The following AAMDC variants were observed in gnomAD, a reference collection of about 807,000 sequenced individuals.
The protein encoded by AAMDC is mth938 domain-containing protein.
AAMDC carries 16 observed loss-of-function variants against 15.5 expected under a neutral mutation model. The ratio of observed to expected loss-of-function variants is 1.03; its 90% CI spans 0.70 to 1.57. The LOEUF (loss-of-function observed/expected upper bound fraction) is 1.57. AAMDC is among the 40% of genes most tolerant of loss of function. AAMDC has a pLI of 0.00. For synonymous variants in AAMDC, 51 were observed against 51.6 expected, an observed-to-expected ratio of 0.99 and a Z score of 0.05; for missense variants, 141 against 144.9, an observed-to-expected ratio of 0.97 and a Z score of 0.14.
chr11:77,856,418 G>T (rs1950624486), intron 2 of AAMDC, among the ~76,000 whole-genome samples: 1 of 152,008 alleles, frequency 6.6e-6, no homozygotes, highest in African/African-American at 2.4e-5. Context: ...TCCACCCTCT[G>T]CCCATTACCT....
intron 2 of AAMDC, among the ~76,000 whole-genome samples, chr11:77,858,003 G>T (rs139344878): frequency 1.3e-5 from 2 of 151,966 alleles, no homozygotes; most frequent in Non-Finnish European, 2.9e-5. Context: ...CATCATCTAG[G>T]TTTTAAGCCC....
chr11:77,840,961 G>T (rs757655440), intron 1 of AAMDC: 2 of 488,862 alleles, frequency 4.1e-6, no homozygotes, highest in Non-Finnish European at 7.3e-6. Flanking sequence ...TCCTATAACT[G>T]AATACCTGAA....
intron 5 of AAMDC, among the ~76,000 whole-genome samples, chr11:77,880,025 T>A (rs150421891): frequency 1.3e-3 from 193 of 152,286 alleles, no homozygotes; most frequent in African/African-American, 4.4e-3. Context: ...ACTGAAGCAG[T>A]TACTCATTCT....
rs557035927 is a variant in AAMDC at position 77,894,167 on chromosome 11, G to C, written c.329-6404G>C. 425 of 586,434 alleles carry C rather than the reference G, an allele frequency of 7.2e-4. 2 individuals are homozygous for C. The South Asian group carries it at 7.9e-3, about 11-fold the overall frequency. The allele number at this position is 586,434 out of a possible 1,614,324, so 36.3% of individuals were successfully genotyped here. On this transcript the variant is annotated intron_variant, in intron 5 of 5. Coordinates refer to the AAMDC transcript ENST00000304716. The stretch of plus-strand genomic sequence containing the variant: ...ATTTAAGGTTAACGACATGGCCACA[G>C]ATGATAGCTTGGCTGCACAAGCTAA...
chr11:77,898,316 C>A (rs2136427010), intron 5 of AAMDC, among the ~76,000 whole-genome samples: 1 of 152,240 alleles, frequency 6.6e-6, no homozygotes, highest in South Asian at 2.1e-4. Context: ...ATGCCCACAA[C>A]CATGCCTGGC....
At chr11:77,885,914 G>A (rs902792745) in intron 5 of AAMDC, among the ~76,000 whole-genome samples, 5 of 152,186 alleles carry the variant, frequency 3.3e-5, no homozygotes, top group Admixed American at 3.3e-4. Context: ...CATAATTTCT[G>A]TGTTCAGCAG....
chr11:77,842,705 G>A (rs1949985660), intron 2 of AAMDC, 77 bp downstream of exon 2: 17 of 1,563,436 alleles, frequency 1.1e-5, no homozygotes, highest in Middle Eastern at 1.7e-4. Context: ...CAATGACTAA[G>A]TGAAAAACTA....
At chr11:77,901,450 T>C (rs1439745718), downstream of AAMDC, 15 of 1,613,874 alleles carry the variant, frequency 9.3e-6, no homozygotes, top group African/African-American at 1.3e-5. Context: ...TTACTATAAG[T>C]TGCAAAGCTT....
chr11:77,895,652 G>A (rs1488736634), intron 5 of AAMDC, among the ~76,000 whole-genome samples: 1 of 151,552 alleles, frequency 6.6e-6, no homozygotes, highest in Non-Finnish European at 1.5e-5. Context: ...GGAGTGAGAG[G>A]GCTAGAAGGG....
intron 5 of AAMDC, among the ~76,000 whole-genome samples, chr11:77,883,516 C>T (rs767877410): frequency 8.5e-5 from 13 of 152,130 alleles, no homozygotes; most frequent in Admixed American, 3.3e-4. Flanking sequence ...CCAAGCAAGT[C>T]GGTGGCAGTT....
At chr11:77,878,827 A>G (rs1264855088) in intron 5 of AAMDC, 1 of 787,670 alleles carries the variant, frequency 1.3e-6, no homozygotes, top group African/African-American at 1.7e-5. Flanking sequence ...ACCAGATGAG[A>G]CTGTAAGGGT....
intron 2 of AAMDC, among the ~76,000 whole-genome samples, chr11:77,862,048 G>C (rs1045580038): frequency 1.3e-5 from 2 of 152,130 alleles, no homozygotes; most frequent in Non-Finnish European, 2.9e-5. Flanking sequence ...CTGTGTTATA[G>C]TGGACATAAT....
At chr11:77,889,914 T>C (rs1486302362) in intron 5 of AAMDC, among the ~76,000 whole-genome samples, 2 of 152,214 alleles carry the variant, frequency 1.3e-5, no homozygotes, top group African/African-American at 4.8e-5. Flanking sequence ...CAATCTCCTT[T>C]ACGCTCAGGT....
At chr11:77,892,668 C>T (rs1198661309) in intron 5 of AAMDC, among the ~76,000 whole-genome samples, 18 of 152,050 alleles carry the variant, frequency 1.2e-4, no homozygotes, top group African/African-American at 3.9e-4. Flanking sequence ...CTGGAACCTC[C>T]GCCTCCCGGG....
chr11:77,852,604 G>C (rs1006455665), intron 2 of AAMDC, among the ~76,000 whole-genome samples: 3 of 151,994 alleles, frequency 2.0e-5, no homozygotes, highest in African/African-American at 4.8e-5. Context: ...CCATATCATA[G>C]ATACACTTAG....
intron 2 of AAMDC, among the ~76,000 whole-genome samples, chr11:77,855,053 C>T (rs1285350717): frequency 6.6e-6 from 1 of 152,134 alleles, no homozygotes; most frequent in African/African-American, 2.4e-5. Context: ...TACCTTGGCC[C>T]CTTTTAACCA....
intron 2 of AAMDC, among the ~76,000 whole-genome samples, chr11:77,846,025 T>C (rs1156401397): frequency 6.6e-6 from 1 of 152,076 alleles, no homozygotes; most frequent in Non-Finnish European, 1.5e-5. Flanking sequence ...TTTTGAGAAC[T>C]GGACATTTTA....
At chr11:77,855,076 G>A (rs1405542829) in intron 2 of AAMDC, among the ~76,000 whole-genome samples, 1 of 152,140 alleles carries the variant, frequency 6.6e-6, no homozygotes, top group African/African-American at 2.4e-5. Context: ...GCTAGAGCTG[G>A]AGTGGCCGTG....
At chr11:77,878,351 G>C (rs1266719440) in intron 5 of AAMDC, among the ~76,000 whole-genome samples, 1 of 147,636 alleles carries the variant, frequency 6.8e-6, no homozygotes, top group East Asian at 2.0e-4. Context: ...GACACAGCAA[G>C]ACTCCATCTC....
Sources: allele counts gnomAD v4.1 joint callset (sites outside exome capture counted in the v4.1 genomes callset), GRCh38; gene constraint gnomAD v4.1.1; transcripts MANE v1.5; gene names NCBI Gene and HGNC (gene_info 2026-07-23, HGNC 2026-07-21).